Variants in ALDH1A2 observed in about 807,000 individuals in gnomAD.
ALDH1A2 encodes the protein retinal dehydrogenase 2.
A neutral mutation model predicts 60.3 loss-of-function variants in ALDH1A2; 27 were observed. The observed-to-expected ratio is 0.45, with a 90% CI of 0.33 to 0.62. The LOEUF is 0.62. ALDH1A2 is among the 20% of genes least tolerant of loss of function. The probability of loss-of-function intolerance (pLI) is 0.02; values close to 1 mark genes in which losing one functional copy is unlikely to be tolerated. For synonymous variants in ALDH1A2, 289 were observed against 232.4 expected (o/e 1.24, Z -2.21); for missense variants, 581 against 643.8 (o/e 0.90, Z 1.06).
intron 3 of ALDH1A2, among the ~76,000 whole-genome samples, chr15:58,011,081 T>A (rs113809172): frequency 6.6e-6 from 1 of 152,100 alleles, no homozygotes; most frequent in Non-Finnish European, 1.5e-5. Flanking sequence ...CAAAACAGCT[T>A]CCGTTATATT....
rs143998197 is a variant in ALDH1A2 at position 58,000,151 on chromosome 15, T to A, written c.494-5012A>T. On this transcript the variant is annotated intron_variant, in intron 4 of 12. Transcript: ENST00000249750. ...GGTTGACAGGTGCAGCAAACCACCA[T>A]GGCACACGTTTACCTGTGTAACAAA... Among the ~76,000 whole-genome samples the A allele has an allele frequency of 3.9e-5, 6 of 152,070 alleles. No individual in the cohort carries two copies. The East Asian group carries it at 1.2e-3, about 30-fold the overall frequency.
intron 8 of ALDH1A2, among the ~76,000 whole-genome samples, chr15:57,965,320 G>T (rs1160100201): frequency 6.6e-6 from 1 of 152,188 alleles, no homozygotes; most frequent in Non-Finnish European, 1.5e-5. Context: ...AATGCTGGCA[G>T]GGCTGGTCAA....
At chr15:58,056,629 A>C (rs1595695517) in intron 1 of ALDH1A2, among the ~76,000 whole-genome samples, 1 of 152,182 alleles carries the variant, frequency 6.6e-6, no homozygotes, top group South Asian at 2.1e-4. Flanking sequence ...TTACAAGAGG[A>C]AAGAAAATGT....
intron 1 of ALDH1A2, among the ~76,000 whole-genome samples, chr15:58,039,781 A>G (rs1428359978): frequency 6.6e-5 from 10 of 151,806 alleles, no homozygotes; most frequent in Admixed American, 5.9e-4. Flanking sequence ...GAAAAGAGAA[A>G]AGAAGAGAAC....
At chr15:58,026,161 T>C (rs1207663748) in intron 1 of ALDH1A2, among the ~76,000 whole-genome samples, 1 of 152,040 alleles carries the variant, frequency 6.6e-6, no homozygotes, top group Admixed American at 6.5e-5. Context: ...CCTGATGAAA[T>C]AGACACAAAA....
intron 5 of ALDH1A2, among the ~76,000 whole-genome samples, chr15:57,993,831 G>A (rs888740407): frequency 6.6e-6 from 1 of 152,124 alleles, no homozygotes; most frequent in Non-Finnish European, 1.5e-5. Flanking sequence ...CTCATCCCCT[G>A]GCTTCAGCCC....
intron 7 of ALDH1A2, among the ~76,000 whole-genome samples, chr15:57,984,457 T>C (rs2140479263): frequency 6.6e-6 from 1 of 152,328 alleles, no homozygotes; most frequent in African/African-American, 2.4e-5. Context: ...TGTGCATCCA[T>C]CACAACCATT....
chr15:57,973,704 T>TC (rs1167149191), intron 7 of ALDH1A2, among the ~76,000 whole-genome samples: 1 of 152,200 alleles, frequency 6.6e-6, no homozygotes, highest in Non-Finnish European at 1.5e-5. Context: ...CCTTAAGTCC[T>TC]TTAGTGTCTG....
At chr15:58,051,380 G>C (rs1426716485) in intron 1 of ALDH1A2, among the ~76,000 whole-genome samples, 2 of 151,510 alleles carry the variant, frequency 1.3e-5, no homozygotes, top group Non-Finnish European at 2.9e-5. Flanking sequence ...TATTTTTTTA[G>C]ATAGGCAACT....
chr15:58,035,234 A>G (rs1291977947), intron 1 of ALDH1A2, among the ~76,000 whole-genome samples: 2 of 151,688 alleles, frequency 1.3e-5, no homozygotes, highest in African/African-American at 4.8e-5. Context: ...ATTTGTGGGC[A>G]AAGAGTTGTG....
intron 4 of ALDH1A2, among the ~76,000 whole-genome samples, chr15:58,002,154 T>C (rs905204687): frequency 2.0e-5 from 3 of 151,934 alleles, no homozygotes; most frequent in South Asian, 2.1e-4. Context: ...ATGGAAAATA[T>C]AAAAATCTTA....
chr15:57,960,992 A>G, intron 11 of ALDH1A2, 145 bp downstream of exon 11: 16 of 1,336,600 alleles, frequency 1.2e-5, no homozygotes, highest in Non-Finnish European at 1.6e-5. Context: ...TGATTTCTGG[A>G]TCTAAGCAGT....
At chr15:57,992,440 A>C (rs35657390) in intron 7 of ALDH1A2, among the ~76,000 whole-genome samples, 2 of 152,182 alleles carry the variant, frequency 1.3e-5, no homozygotes, top group Admixed American at 1.3e-4. Flanking sequence ...GCTATTCAAC[A>C]AAGTGTCTAG....
intron 4 of ALDH1A2, among the ~76,000 whole-genome samples, chr15:58,002,988 T>C (rs1195391385): frequency 1.3e-5 from 2 of 151,856 alleles, no homozygotes; most frequent in African/African-American, 4.8e-5. Flanking sequence ...TAGTATGAAG[T>C]GTACTGATGC....
intron 7 of ALDH1A2, among the ~76,000 whole-genome samples, chr15:57,971,982 G>C (rs1338358264): frequency 6.6e-6 from 1 of 152,094 alleles, no homozygotes; most frequent in African/African-American, 2.4e-5. Context: ...TTCTGGTCTT[G>C]ATCTCCCAAA....
chr15:58,006,410 G>C (rs936671330), intron 4 of ALDH1A2, among the ~76,000 whole-genome samples: 2 of 151,864 alleles, frequency 1.3e-5, no homozygotes, highest in African/African-American at 4.8e-5. Context: ...TTATCCACTC[G>C]TTGGCTGACG....
At chr15:58,029,606 A>T (rs1265780200) in intron 1 of ALDH1A2, among the ~76,000 whole-genome samples, 1 of 151,698 alleles carries the variant, frequency 6.6e-6, no homozygotes. Flanking sequence ...AAATCGATGA[A>T]TCCAGGAGCT....
intron 7 of ALDH1A2, among the ~76,000 whole-genome samples, chr15:57,984,088 G>A (rs1295490188): frequency 1.3e-5 from 2 of 152,138 alleles, no homozygotes; most frequent in African/African-American, 4.8e-5. Flanking sequence ...CCTATGGGAG[G>A]GTGTATAGTC....
At chr15:58,034,350 C>A (rs1896321826) in intron 1 of ALDH1A2, among the ~76,000 whole-genome samples, 2 of 151,578 alleles carry the variant, frequency 1.3e-5, no homozygotes, top group South Asian at 4.2e-4. Flanking sequence ...CCCGTCAGTT[C>A]TAGATGTTTT....
Sources: gnomAD v4.1 joint callset for allele counts (sites outside exome capture counted in the v4.1 genomes callset) on GRCh38, gnomAD v4.1.1 for gene constraint, MANE v1.5 for transcripts, NCBI Gene and HGNC (gene_info 2026-07-23, HGNC 2026-07-21) for gene names.